The following TBC1D30 variants were observed in gnomAD, a reference collection of about 807,000 sequenced individuals.
TBC1D30 encodes the protein TBC1 domain family member 30, also known as TBC1 domain family, member 30.
TBC1D30 carries 31 observed loss-of-function variants against 63.2 expected under a neutral mutation model. That is an observed-to-expected ratio of 0.49 (90% CI 0.37 to 0.66). TBC1D30 has a LOEUF of 0.66. Ranked by LOEUF, TBC1D30 falls within the 30% of genes least tolerant of loss-of-function variation. The probability of loss-of-function intolerance (pLI) is 0.00; values close to 1 mark genes in which losing one functional copy is unlikely to be tolerated. For missense variants in TBC1D30, 810 were observed against 953.6 expected (o/e 0.85, Z 1.98); for synonymous variants, 307 against 361.5 (o/e 0.85, Z 1.71).
chr12:64,781,659 A>T lies in TBC1D30; in HGVS notation c.478+373A>T, dbSNP rs544972226. ...CCTGACCTACCTAGAGGGCGCCGCC[A>T]GAATCGAGGCGAGTCGTAGGGCTGT... On this transcript the variant is annotated intron_variant, in intron 1 of 12. Transcript: ENST00000542120. 2.0e-5 allele frequency among the ~76,000 whole-genome samples: 3 copies of T among 150,800 alleles called. No homozygotes were observed. The South Asian group carries it at 6.3e-4, about 32-fold the overall frequency.
Position 64,807,918 on chromosome 12 carries a change from G to GTTTTTTTTTTTTTTTTTTTTTT in TBC1D30, c.644-19900_644-19899insTTTTTTTTTTTTTTTTTTTTTT, listed in dbSNP as rs774145443. Among the ~76,000 whole-genome samples the GTTTTTTTTTTTTTTTTTTTTTT allele has an allele frequency of 3.3e-4, 31 of 93,496 alleles. 2 individuals carry two copies. The highest frequency in any genetic ancestry group is 7.2e-4 in the African/African-American group (13 of 18,122). The allele number at this position is 93,496 out of a possible 152,430, so 61.3% of individuals were successfully genotyped here. A position where few individuals can be genotyped will look rare whatever the true frequency, so the allele number is the denominator to read the frequency against. On this transcript the variant is annotated intron_variant, in intron 2 of 12. Transcript: ENST00000542120. ...GCCCATGCCACCCTGCCTAATTTAA[G>GTTTTTTTTTTTTTTTTTTTTTT]TTTTTTTTTTTTTTTTTGTAGAGCT...
intron 8 of TBC1D30, among the ~76,000 whole-genome samples, chr12:64,858,266 T>C (rs1877478884): frequency 6.6e-6 from 1 of 152,220 alleles, no homozygotes; most frequent in Non-Finnish European, 1.5e-5. Flanking sequence ...TTTCTGCCTT[T>C]TCTTTTTCAA....
rs557182649 is a variant in TBC1D30 at position 64,880,057 on chromosome 12, C to T, written c.*4269C>T. 4 of 152,284 alleles carry T rather than the reference C, an allele frequency of 2.6e-5. No homozygotes were observed. Among genetic ancestry groups the T allele is most frequent in the South Asian group, 4.2e-4 (2 of 4,818 alleles). 9.4% of individuals were successfully genotyped at this position (152,284 alleles called of 1,614,324 possible). A position where few individuals can be genotyped will look rare whatever the true frequency, so the allele number is the denominator to read the frequency against. Reference sequence around the variant, plus strand: ...ATCCCCAGGATGGAAATGTGAAGGCCGGTGAGTATTTGGACCATTGAAGTG... The same window carrying T: ...ATCCCCAGGATGGAAATGTGAAGGCTGGTGAGTATTTGGACCATTGAAGTG... On this transcript the variant is annotated 3_prime_UTR_variant, in exon 12 of 12. Coordinates refer to ENST00000539867, the MANE Select transcript of TBC1D30 (RefSeq NM_015279.2).
intron 2 of TBC1D30, among the ~76,000 whole-genome samples, chr12:64,799,807 T>C (rs1462280670): frequency 1.3e-5 from 2 of 152,144 alleles, no homozygotes; most frequent in African/African-American, 2.4e-5. Flanking sequence ...GGAAGTGCGA[T>C]TAGAAAAGGC....
intron 2 of TBC1D30, among the ~76,000 whole-genome samples, chr12:64,802,408 G>A (rs1478788529): frequency 6.6e-6 from 1 of 152,064 alleles, no homozygotes; most frequent in Non-Finnish European, 1.5e-5. Context: ...CAGAGGGCAG[G>A]CTGGCTCCTT....
intron 8 of TBC1D30, among the ~76,000 whole-genome samples, chr12:64,846,323 C>T (rs1251629252): frequency 1.3e-5 from 2 of 151,944 alleles, no homozygotes; most frequent in Non-Finnish European, 2.9e-5. Context: ...GTATTAGTTT[C>T]ATAGTTTGAG....
chr12:64,761,477 A>G (rs1014978698), intron 1 of TBC1D30, among the ~76,000 whole-genome samples: 2 of 152,198 alleles, frequency 1.3e-5, no homozygotes, highest in Non-Finnish European at 2.9e-5. Flanking sequence ...ATAAAGATAC[A>G]AGATACAAGA....
intron 1 of TBC1D30, among the ~76,000 whole-genome samples, chr12:64,760,490 G>A (rs1021217861): frequency 6.6e-6 from 1 of 152,090 alleles, no homozygotes; most frequent in Non-Finnish European, 1.5e-5. Flanking sequence ...TTGAACCCGG[G>A]AGGCGGAGCT....
chr12:64,796,144 T>G (rs1024001901), intron 2 of TBC1D30, among the ~76,000 whole-genome samples: 6 of 132,196 alleles, frequency 4.5e-5, no homozygotes, highest in African/African-American at 1.6e-4. Context: ...AAGTTAAGAG[T>G]TTTTTTTTTT....
intron 4 of TBC1D30, among the ~76,000 whole-genome samples, 158 bp from the exon 5 acceptor site, chr12:64,831,961 T>G (rs760499301): frequency 1.3e-5 from 2 of 152,064 alleles, no homozygotes; most frequent in African/African-American, 4.8e-5. Flanking sequence ...AAAAGAAAGC[T>G]AAAAATGCAT....
At chr12:64,868,101 C>A in intron 10 of TBC1D30, 1 of 169,424 alleles carries the variant, frequency 5.9e-6, no homozygotes, top group East Asian at 1.6e-4. Context: ...TTCTTTGAAG[C>A]CTTTTCCAAC....
At chr12:64,822,014 A>T (rs929811786), upstream of TBC1D30, among the ~76,000 whole-genome samples, 1 of 152,150 alleles carries the variant, frequency 6.6e-6, no homozygotes, top group Non-Finnish European at 1.5e-5. Flanking sequence ...CAGATGGCTC[A>T]TCTCATTTTT....
At chr12:64,782,445 C>T (rs1412333172) in intron 1 of TBC1D30, among the ~76,000 whole-genome samples, 3 of 151,756 alleles carry the variant, frequency 2.0e-5, no homozygotes, top group Non-Finnish European at 4.4e-5. Context: ...GTTCCTCCCC[C>T]TGCCTGGGAC....
intron 2 of TBC1D30, among the ~76,000 whole-genome samples, chr12:64,805,399 G>A (rs1411575237): frequency 2.6e-5 from 4 of 152,172 alleles, no homozygotes; most frequent in Non-Finnish European, 1.5e-5. Context: ...TAGAGGAAGA[G>A]CTAAATTTGT....
chr12:64,880,411 A>G lies in TBC1D30; in HGVS notation c.*4623A>G, dbSNP rs1879384648. The stretch of plus-strand genomic sequence containing the variant: ...TTTCTCACAGTTCTGGAGGCTGAGA[A>G]GTCAAAGATCAACGTGTCTGCAAAT... On this transcript the variant is annotated 3_prime_UTR_variant, in exon 12 of 12. Coordinates refer to ENST00000539867, the MANE Select transcript of TBC1D30 (RefSeq NM_015279.2). 1 of 152,322 alleles carries G rather than the reference A, an allele frequency of 6.6e-6. No individual in the cohort carries two copies. Among genetic ancestry groups the G allele is most frequent in the South Asian group, 2.1e-4 (1 of 4,836 alleles). The allele number at this position is 152,322 out of a possible 1,614,324, so 9.4% of individuals were successfully genotyped here. A position where few individuals can be genotyped will look rare whatever the true frequency, so the allele number is the denominator to read the frequency against.
intron 11 of TBC1D30, among the ~76,000 whole-genome samples, 172 bp from the exon 12 acceptor site, chr12:64,874,829 C>G (rs890056102): frequency 2.2e-4 from 33 of 152,120 alleles, no homozygotes; most frequent in African/African-American, 8.0e-4. Context: ...CCAGGCTCTT[C>G]GGTTGAATTC....
chr12:64,875,620 C>T lies in TBC1D30; in HGVS notation c.2118C>T (p.Thr706=), dbSNP rs907759630. The part of the protein sequence containing the change: ...SKAPQGSNSK[T]PIFSPFPSVK... The stretch of plus-strand genomic sequence containing the variant: ...CTCCCCAAGGCAGCAACTCAAAAAC[C>T]CCCATCTTTAGCCCTTTTCCCAGCG... The change falls in exon 12 of 12, where the codon ACC becomes ACT. Residue 706 remains threonine, a synonymous_variant. Coordinates refer to ENST00000539867, the MANE Select transcript of TBC1D30 (RefSeq NM_015279.2). 4.6e-6 allele frequency: 7 copies of T among 1,536,082 alleles called. No homozygotes were observed. The highest frequency in any genetic ancestry group is 4.1e-5 in the African/African-American group (3 of 73,022).
rs1333691103 is a variant in TBC1D30 at position 64,824,878 on chromosome 12, G to A, written c.-2G>A. On this transcript the variant is annotated 5_prime_UTR_variant, in exon 1 of 12. Transcript: ENST00000539867. ...CCGTGCCAGAGCCCGGGGCGCTCTCGGATGCGGCAGGACAAGCTGACCGGG... is the reference window on the plus strand; with the variant it reads ...CCGTGCCAGAGCCCGGGGCGCTCTCAGATGCGGCAGGACAAGCTGACCGGG... The A allele has an allele frequency of 1.3e-6, 2 of 1,532,730 alleles. No homozygotes were observed. Among genetic ancestry groups the A allele is most frequent in the East Asian group, 4.9e-5 (2 of 40,870 alleles). The allele number at this position is 1,532,730 out of a possible 1,614,324, so 94.9% of individuals were successfully genotyped here.
intron 7 of TBC1D30, among the ~76,000 whole-genome samples, chr12:64,839,293 C>A (rs1409736461): frequency 6.6e-6 from 1 of 152,208 alleles, no homozygotes; most frequent in Admixed American, 6.5e-5. Context: ...GATATCTAGC[C>A]TGGTAGAACA....
Sources: gnomAD v4.1 joint callset for allele counts (sites outside exome capture counted in the v4.1 genomes callset) on GRCh38, gnomAD v4.1.1 for gene constraint, MANE v1.5 for transcripts, NCBI Gene and HGNC (gene_info 2026-07-23, HGNC 2026-07-21) for gene names.